Variants in HS6ST3 observed in about 807,000 individuals in gnomAD.
The protein encoded by HS6ST3 is heparan sulfate 6-O-sulfotransferase 3.
A neutral mutation model predicts 36.7 loss-of-function variants in HS6ST3; 12 were observed. The ratio of observed to expected loss-of-function variants is 0.33; its 90% CI spans 0.21 to 0.53. The LOEUF (loss-of-function observed/expected upper bound fraction) is 0.53, where lower values mean the gene tolerates loss of function less well. Ranked by LOEUF, HS6ST3 falls within the 20% of genes least tolerant of loss-of-function variation. The pLI, the probability that HS6ST3 is intolerant of heterozygous loss-of-function variation, is 0.95. For missense variants in HS6ST3, 584 were observed against 640.9 expected (o/e 0.91, Z 0.96); for synonymous variants, 240 against 257.5 (o/e 0.93, Z 0.65).
At chr13:96,741,363 A>G (rs9556619) in intron 1 of HS6ST3, among the ~76,000 whole-genome samples, 20,088 of 152,190 alleles carry the variant, frequency 0.13, 1,654 homozygotes, top group East Asian at 0.21. Context: ...TCAGACTAAT[A>G]TAAAGATCAA....
At chr13:96,352,656 G>T (rs1207968368) in intron 1 of HS6ST3, among the ~76,000 whole-genome samples, 1 of 152,198 alleles carries the variant, frequency 6.6e-6, no homozygotes, top group Non-Finnish European at 1.5e-5. Context: ...TAGGTCATTA[G>T]TGACCATCTT....
intron 1 of HS6ST3, among the ~76,000 whole-genome samples, chr13:96,315,392 C>G (rs1430323632): frequency 2.6e-5 from 4 of 152,048 alleles, no homozygotes; most frequent in African/African-American, 9.7e-5. Context: ...AAGCTGATAA[C>G]TAGGGATCTT....
At chr13:96,636,212 C>T (rs2056549327) in intron 1 of HS6ST3, among the ~76,000 whole-genome samples, 1 of 152,078 alleles carries the variant, frequency 6.6e-6, no homozygotes. Flanking sequence ...ACTGGCAAAA[C>T]ACAAAAAGCT....
At chr13:96,724,941 C>A (rs1216013516) in intron 1 of HS6ST3, among the ~76,000 whole-genome samples, 1 of 152,140 alleles carries the variant, frequency 6.6e-6, no homozygotes, top group Non-Finnish European at 1.5e-5. Flanking sequence ...TCAGAAATTG[C>A]CAAATGGTCT....
chr13:96,133,258 G>T (rs2053985028), intron 1 of HS6ST3, among the ~76,000 whole-genome samples: 1 of 152,138 alleles, frequency 6.6e-6, no homozygotes, highest in Non-Finnish European at 1.5e-5. Context: ...CCTCCGAGTA[G>T]CTGGGATTAC....
chr13:96,286,938 G>A (rs2054806544), intron 1 of HS6ST3, among the ~76,000 whole-genome samples: 1 of 152,116 alleles, frequency 6.6e-6, no homozygotes, highest in Admixed American at 6.6e-5. Flanking sequence ...GTGCATGCGT[G>A]TGAGTGTGTG....
chr13:96,256,311 G>A (rs1404616687), intron 1 of HS6ST3, among the ~76,000 whole-genome samples: 2 of 152,202 alleles, frequency 1.3e-5, no homozygotes, highest in Non-Finnish European at 1.5e-5. Flanking sequence ...TCTCAAAAGT[G>A]TGGCGAGGGT....
chr13:96,477,205 C>A lies in HS6ST3; in HGVS notation c.708-355285C>A, dbSNP rs186777292. 8.5e-5 allele frequency among the ~76,000 whole-genome samples: 13 copies of A among 152,266 alleles called. No individual in the cohort carries two copies. In the East Asian group the frequency reaches 2.5e-3, roughly 29 times the overall value. On this transcript the variant is annotated intron_variant, in intron 1 of 1. Transcript: ENST00000376705. Reference sequence around the variant, plus strand: ...ACCTTTGGAGTTCCTGATCAGAATTCTCTCCACTATCCTGTTGCCTCATTT... The same window carrying A: ...ACCTTTGGAGTTCCTGATCAGAATTATCTCCACTATCCTGTTGCCTCATTT...
chr13:96,836,891 G>A lies in HS6ST3; in HGVS notation c.*3693G>A, dbSNP rs1464735304. ...CGCCTAGGCCCTCTCCTGTTGCTCT[G>A]TCATCCTAATGTGCTGCATCCACCT... On this transcript the variant is annotated 3_prime_UTR_variant, in exon 2 of 2. Coordinates refer to ENST00000376705, the MANE Select transcript of HS6ST3 (RefSeq NM_153456.4). 1.3e-5 allele frequency: 2 copies of A among 152,338 alleles called. No individual in the cohort carries two copies. Among genetic ancestry groups the A allele is most frequent in the Non-Finnish European group, 2.9e-5 (2 of 68,034 alleles). 9.4% of individuals were successfully genotyped at this position (152,338 alleles called of 1,614,324 possible).
chr13:96,712,339 TGTAA>T (rs1288564667), intron 1 of HS6ST3, among the ~76,000 whole-genome samples: 2 of 152,176 alleles, frequency 1.3e-5, no homozygotes, highest in Non-Finnish European at 2.9e-5. Flanking sequence ...TCCTAATGCT[TGTAA>T]GAATTTGGAA....
intron 1 of HS6ST3, among the ~76,000 whole-genome samples, chr13:96,314,317 C>G (rs1177646346): frequency 6.6e-6 from 1 of 152,130 alleles, no homozygotes; most frequent in African/African-American, 2.4e-5. Flanking sequence ...TTAGTTTCGA[C>G]AAAGATACTC....
intron 1 of HS6ST3, among the ~76,000 whole-genome samples, chr13:96,599,226 C>G (rs2056412819): frequency 6.6e-6 from 1 of 151,924 alleles, no homozygotes; most frequent in African/African-American, 2.4e-5. Flanking sequence ...ATCAATTCTT[C>G]TTTGAATATC....
At chr13:96,092,465 G>C (rs1371377927) in intron 1 of HS6ST3, among the ~76,000 whole-genome samples, 2 of 152,196 alleles carry the variant, frequency 1.3e-5, no homozygotes, top group African/African-American at 2.4e-5. Context: ...CATGCTTTGA[G>C]AGAGACATGG....
At chr13:96,613,623 A>G (rs981539699) in intron 1 of HS6ST3, among the ~76,000 whole-genome samples, 10 of 152,346 alleles carry the variant, frequency 6.6e-5, no homozygotes, top group Admixed American at 2.0e-4. Flanking sequence ...TTCAATCACT[A>G]TGTACTATTC....
intron 1 of HS6ST3, among the ~76,000 whole-genome samples, chr13:96,513,104 G>A (rs1429588337): frequency 6.6e-6 from 1 of 152,110 alleles, no homozygotes. Context: ...TCACATAGCT[G>A]TGTGTGTTGC....
intron 1 of HS6ST3, among the ~76,000 whole-genome samples, chr13:96,295,291 G>A (rs2054849506): frequency 6.6e-6 from 1 of 151,974 alleles, no homozygotes; most frequent in Non-Finnish European, 1.5e-5. Flanking sequence ...TTATATAATA[G>A]GTTATGCTCA....
chr13:96,236,807 A>G (rs1158580862), intron 1 of HS6ST3, among the ~76,000 whole-genome samples: 1 of 152,200 alleles, frequency 6.6e-6, no homozygotes, highest in African/African-American at 2.4e-5. Context: ...CTGTCCTTTC[A>G]TCTGCTCTCC....
chr13:96,804,506 T>C (rs929539040), intron 1 of HS6ST3, among the ~76,000 whole-genome samples: 1 of 152,182 alleles, frequency 6.6e-6, no homozygotes, highest in African/African-American at 2.4e-5. Context: ...ACAGTTACTA[T>C]TGGGAATAAA....
intron 1 of HS6ST3, among the ~76,000 whole-genome samples, chr13:96,204,693 T>G (rs1566286913): frequency 6.6e-6 from 1 of 152,136 alleles, no homozygotes; most frequent in Non-Finnish European, 1.5e-5. Flanking sequence ...AGAAATTCAC[T>G]CATAAACCAC....
Sources: gnomAD v4.1 joint callset for allele counts (sites outside exome capture counted in the v4.1 genomes callset) on GRCh38, gnomAD v4.1.1 for gene constraint, MANE v1.5 for transcripts, NCBI Gene and HGNC (gene_info 2026-07-23, HGNC 2026-07-21) for gene names.